Variants in SAMD7 observed in about 807,000 individuals in gnomAD.
SAMD7 encodes sterile alpha motif domain-containing protein 7.
Under a neutral mutation model 36.7 loss-of-function variants are expected in SAMD7, and 34 were observed. The ratio of observed to expected loss-of-function variants is 0.93; its 90% CI spans 0.71 to 1.23. SAMD7 has a LOEUF of 1.23. Among genes scored for constraint, SAMD7 ranks in the 50% most tolerant of loss-of-function variants. The probability of loss-of-function intolerance (pLI) is 0.00; values close to 1 mark genes in which losing one functional copy is unlikely to be tolerated. For missense variants in SAMD7, 570 were observed against 546.6 expected (o/e 1.04, Z -0.43); for synonymous variants, 188 against 189.7 (o/e 0.99, Z 0.07).
At chr3:169,927,728 G>T (rs1473103606) in intron 6 of SAMD7, among the ~76,000 whole-genome samples, 1 of 152,052 alleles carries the variant, frequency 6.6e-6, no homozygotes, top group Non-Finnish European at 1.5e-5. Flanking sequence ...TTCAACAAAG[G>T]CTGGGAAGGT....
rs760802330 is a variant in SAMD7, at chr3:169,927,159, A to G, written c.897A>G (p.Pro299=). The change falls in exon 6 of 9, where the codon CCA becomes CCG. Residue 299 remains proline (P), a synonymous_variant. Coordinates refer to ENST00000335556, the MANE Select transcript of SAMD7 (RefSeq NM_001304366.2). ...TCDEKNGVCP[P]VPRPSLPGTH... ...ATGAAAAGAATGGGGTTTGCCCTCC[A>G]GTTCCTCGACCATCTCTGCCAGGTG... is the stretch of plus-strand genomic sequence containing the variant. 1.3e-6 allele frequency: 2 copies of G among 1,535,952 alleles called. No individual in the cohort carries two copies. The highest frequency in any genetic ancestry group is 1.7e-6 in the Non-Finnish European group (2 of 1,146,992).
intron 7 of SAMD7, chr3:169,932,377 C>A (rs1471073119): frequency 3.1e-6 from 2 of 653,466 alleles, no homozygotes; most frequent in South Asian, 1.4e-5. Flanking sequence ...TGTTTTCGAA[C>A]CTAAGTAGTA....
chr3:169,916,929 G>C (rs563241763), intron 2 of SAMD7, among the ~76,000 whole-genome samples: 2 of 152,144 alleles, frequency 1.3e-5, no homozygotes, highest in African/African-American at 4.8e-5. Context: ...GCCCATCTCC[G>C]ACCCAGCCTG....
At position 169,938,973 on chromosome 3, in the gene SAMD7, GA is replaced by G. The variant is rs1448370188; in HGVS notation, c.*468del. On this transcript the variant is annotated 3_prime_UTR_variant, in exon 9 of 9. Transcript: ENST00000335556. ...CACGACTCCATCTCTTCTCATTCCAGATTTCCAGCGTGAAGCAGGCCCAAGC... is the reference window on the plus strand; with the variant it reads ...CACGACTCCATCTCTTCTCATTCCAGTTTCCAGCGTGAAGCAGGCCCAAGC... The G allele has an allele frequency of 6.6e-6, 1 of 152,442 alleles. No individual in the cohort carries two copies. The highest frequency in any genetic ancestry group is 1.9e-4 in the East Asian group (1 of 5,190). The allele number at this position is 152,442 out of a possible 1,614,324, so 9.4% of individuals were successfully genotyped here.
intron 5 of SAMD7, chr3:169,926,276 C>A: frequency 7.3e-7 from 1 of 1,377,188 alleles, no homozygotes; most frequent in Non-Finnish European, 9.5e-7. Flanking sequence ...AAGGAACTAG[C>A]TGTGCTGCGT....
intron 5 of SAMD7, 31 bp downstream of exon 5, chr3:169,925,167 C>T: frequency 7.1e-7 from 1 of 1,417,178 alleles, no homozygotes; most frequent in East Asian, 2.3e-5. Context: ...TATTTATTCT[C>T]TATTCATTCA....
intron 6 of SAMD7, 96 bp downstream of exon 6, chr3:169,927,277 T>A: frequency 1.3e-6 from 1 of 790,064 alleles, no homozygotes; most frequent in Non-Finnish European, 1.8e-6. Context: ...CTGCCTCTTT[T>A]TATCTTTCTT....
At chr3:169,914,218 A>G (rs1253367953) in intron 1 of SAMD7, among the ~76,000 whole-genome samples, 1 of 152,156 alleles carries the variant, frequency 6.6e-6, no homozygotes, top group Non-Finnish European at 1.5e-5. Context: ...AGGATATGAA[A>G]ACTCTCTGTA....
chr3:169,933,077 C>A, intron 7 of SAMD7: 1 of 905,994 alleles, frequency 1.1e-6, no homozygotes, highest in Non-Finnish European at 1.8e-6. Flanking sequence ...TAAAATCTGC[C>A]ATGGCCCATG....
intron 1 of SAMD7, among the ~76,000 whole-genome samples, chr3:169,912,361 A>C (rs1245706807): frequency 6.6e-6 from 1 of 152,204 alleles, no homozygotes; most frequent in Non-Finnish European, 1.5e-5. Context: ...GATATTCCTT[A>C]ATTCATTCTT....
chr3:169,912,263 G>T (rs16854595), intron 1 of SAMD7, among the ~76,000 whole-genome samples: 3,443 of 152,182 alleles, frequency 0.023, 93 homozygotes, highest in East Asian at 0.13. Context: ...AAATTGTCAT[G>T]ATGTATGAAC....
rs572697693 is a variant in SAMD7 at position 169,932,100 on chromosome 3, C to T, written c.1041+3522C>T. On this transcript the variant is annotated intron_variant, in intron 7 of 8. Coordinates refer to ENST00000335556, the MANE Select transcript of SAMD7 (RefSeq NM_001304366.2). ...CTTAGATACATCAACTGCCAAGCAG[C>T]GTTTCACTACTTGATCCCCTGAGGG... 20 of 518,156 alleles carry T rather than the reference C, an allele frequency of 3.9e-5. No individual in the cohort carries two copies. The East Asian group carries it at 6.0e-4, about 16-fold the overall frequency. The allele number at this position is 518,156 out of a possible 1,614,324, so 32.1% of individuals were successfully genotyped here.
intron 4 of SAMD7, among the ~76,000 whole-genome samples, chr3:169,923,860 G>C (rs1040608031): frequency 6.6e-6 from 1 of 152,222 alleles, no homozygotes; most frequent in African/African-American, 2.4e-5. Flanking sequence ...TTACAAAACA[G>C]GGTTGTTAGG....
intron 4 of SAMD7, among the ~76,000 whole-genome samples, chr3:169,922,074 C>G (rs1713068830): frequency 6.6e-6 from 1 of 152,122 alleles, no homozygotes; most frequent in Admixed American, 6.5e-5. Context: ...TTGAGGAAGA[C>G]TGTGGAAGGA....
chr3:169,918,722 A>G (rs974088799), intron 2 of SAMD7, among the ~76,000 whole-genome samples: 13 of 152,246 alleles, frequency 8.5e-5, no homozygotes, highest in Admixed American at 2.0e-4. Flanking sequence ...GACATTAAAA[A>G]TATTCTCCTC....
intron 7 of SAMD7, among the ~76,000 whole-genome samples, chr3:169,929,078 A>G (rs1713388661): frequency 1.3e-5 from 2 of 152,326 alleles, no homozygotes; most frequent in South Asian, 2.1e-4. Flanking sequence ...TGCTGGGACA[A>G]TATATAAAAA....
intron 3 of SAMD7, among the ~76,000 whole-genome samples, chr3:169,920,089 G>A (rs912371194): frequency 6.6e-5 from 10 of 152,188 alleles, no homozygotes; most frequent in Admixed American, 5.9e-4. Flanking sequence ...CGGGAGAATC[G>A]CTTGAACCCA....
In SAMD7 at chr3:169,925,122, G is replaced by A; in HGVS notation, c.276G>A (p.Arg92=). The change falls in exon 5 of 9, where the codon CGG becomes CGA. Residue 92 remains arginine, a synonymous_variant. Coordinates refer to ENST00000335556, the MANE Select transcript of SAMD7 (RefSeq NM_001304366.2). ...CCAGAAGGAATGAAATGATTCAACGGCATCATACTGCCAGGTAATTTGGCA... is the reference window on the plus strand; with the variant it reads ...CCAGAAGGAATGAAATGATTCAACGACATCATACTGCCAGGTAATTTGGCA... The part of the protein sequence containing the change: ...AVARRNEMIQ[R]HHTARTEMEM... 6.2e-7 allele frequency: 1 copy of A among 1,605,238 alleles called. No homozygotes were observed. The highest frequency in any genetic ancestry group is 8.5e-7 in the Non-Finnish European group (1 of 1,175,034).
intron 6 of SAMD7, among the ~76,000 whole-genome samples, chr3:169,928,118 T>C (rs1404691914): frequency 1.3e-5 from 2 of 152,218 alleles, no homozygotes; most frequent in South Asian, 2.1e-4. Flanking sequence ...GCTAAATTAT[T>C]GTCTCATCTC....
Sources: gnomAD v4.1 joint callset for allele counts (sites outside exome capture counted in the v4.1 genomes callset) on GRCh38, gnomAD v4.1.1 for gene constraint, MANE v1.5 for transcripts, NCBI Gene and HGNC (gene_info 2026-07-23, HGNC 2026-07-21) for gene names.